PALM2AKAP2: variants seen among roughly 807,000 people sequenced by gnomAD.
PALM2AKAP2 encodes PALM2-AKAP2 fusion protein.
A neutral mutation model predicts 71.5 loss-of-function variants in PALM2AKAP2; 37 were observed. The ratio of observed to expected loss-of-function variants is 0.52; its 90% CI spans 0.40 to 0.68. PALM2AKAP2 has a LOEUF of 0.68. PALM2AKAP2 is among the 30% of genes least tolerant of loss of function. The pLI is 0.00. For missense variants in PALM2AKAP2, 1,224 were observed against 1,191.8 expected (o/e 1.03, Z -0.40); for synonymous variants, 468 against 478.8 (o/e 0.98, Z 0.29).
At chr9:109,925,134 TAGGGGGTTTCATTAAC>T (rs1161426135) in intron 5 of PALM2AKAP2, 52 bp downstream of exon 5, 1 of 1,612,404 alleles carries the variant, frequency 6.2e-7, no homozygotes, top group South Asian at 1.1e-5. Context: ...CTGGTCAGCT[TAGGGGGTTTCATTAAC>T]AGGGGCTTAA....
At chr9:109,840,727 C>G (rs1454012224) in intron 1 of PALM2AKAP2, among the ~76,000 whole-genome samples, 1 of 152,172 alleles carries the variant, frequency 6.6e-6, no homozygotes. Context: ...AGACACTTCT[C>G]AAAAGAAGAC....
intron 1 of PALM2AKAP2, among the ~76,000 whole-genome samples, chr9:109,706,970 G>A (rs1246208879): frequency 1.3e-5 from 2 of 152,164 alleles, no homozygotes; most frequent in Non-Finnish European, 2.9e-5. Context: ...TTTAGATTAT[G>A]GTGGTGGTTG....
At chr9:110,127,689 TC>T (rs1835642451) in intron 1 of PALM2AKAP2, 1 of 152,224 alleles carries the variant, frequency 6.6e-6, no homozygotes, top group Non-Finnish European at 1.5e-5. Context: ...TCCTTCTCCT[TC>T]CTGTCGTCGT....
intron 1 of PALM2AKAP2, among the ~76,000 whole-genome samples, chr9:109,834,456 A>G (rs77172253): frequency 0.012 from 1,881 of 152,252 alleles, 35 homozygotes; most frequent in African/African-American, 0.041. Context: ...TTGCCTTTGT[A>G]GGTAAATATG....
intron 7 of PALM2AKAP2, among the ~76,000 whole-genome samples, chr9:110,035,691 AG>A (rs1279546435): frequency 4.6e-5 from 5 of 109,784 alleles, no homozygotes; most frequent in African/African-American, 1.5e-4. Flanking sequence ...TAACATATAT[AG>A]GATATGTTGT....
At chr9:109,971,350 T>TTGTGTTCA (rs1832065724) in intron 6 of PALM2AKAP2, among the ~76,000 whole-genome samples, 1 of 150,510 alleles carries the variant, frequency 6.6e-6, no homozygotes, top group South Asian at 2.1e-4. Context: ...TTTGTGTTCT[T>TTGTGTTCA]TGTGTTCATA....
intron 6 of PALM2AKAP2, chr9:109,945,033 A>G (rs896251340): frequency 3.9e-5 from 6 of 152,150 alleles, no homozygotes; most frequent in African/African-American, 1.4e-4. Context: ...AAAAAATAAG[A>G]TAGTCTTGAG....
At chr9:110,009,641 G>A (rs1442130354) in intron 6 of PALM2AKAP2, among the ~76,000 whole-genome samples, 2 of 151,118 alleles carry the variant, frequency 1.3e-5, no homozygotes, top group Non-Finnish European at 2.9e-5. Flanking sequence ...GTGAACCCGG[G>A]AGGTGGAGCT....
At chr9:109,895,003 C>T (rs972360693) in intron 3 of PALM2AKAP2, among the ~76,000 whole-genome samples, 3 of 152,194 alleles carry the variant, frequency 2.0e-5, no homozygotes, top group African/African-American at 7.2e-5. Context: ...TTCTACTAGG[C>T]CTATCCCCAC....
At chr9:109,959,941 T>G (rs1402563302) in intron 6 of PALM2AKAP2, among the ~76,000 whole-genome samples, 2 of 152,122 alleles carry the variant, frequency 1.3e-5, no homozygotes, top group African/African-American at 4.8e-5. Context: ...TCCTACTCAG[T>G]AAGAACAGAG....
At chr9:109,746,066 G>T (rs1828795672) in intron 1 of PALM2AKAP2, among the ~76,000 whole-genome samples, 2 of 152,190 alleles carry the variant, frequency 1.3e-5, no homozygotes, top group South Asian at 4.1e-4. Context: ...TCCCAGGAGG[G>T]TTCACAGCCC....
At chr9:110,105,018 A>G (rs1835082486) in intron 1 of PALM2AKAP2, among the ~76,000 whole-genome samples, 2 of 152,206 alleles carry the variant, frequency 1.3e-5, no homozygotes, top group Non-Finnish European at 2.9e-5. Context: ...TATTTCTTAG[A>G]TTATATAGTG....
At chr9:109,971,282 C>CTTT (rs1304200183) in intron 6 of PALM2AKAP2, among the ~76,000 whole-genome samples, 8 of 100,760 alleles carry the variant, frequency 7.9e-5, no homozygotes, top group East Asian at 7.2e-4. Flanking sequence ...ACTCTTAGTC[C>CTTT]CTTTTTTTTT....
upstream of PALM2AKAP2, among the ~76,000 whole-genome samples, chr9:109,778,731 A>C (rs1237696862): frequency 6.6e-6 from 1 of 151,194 alleles, no homozygotes; most frequent in Admixed American, 6.6e-5. Flanking sequence ...GGAAGCATTT[A>C]TTCAGGAAAC....
intron 1 of PALM2AKAP2, among the ~76,000 whole-genome samples, chr9:109,753,779 C>A (rs567932116): frequency 1.3e-5 from 2 of 152,076 alleles, no homozygotes; most frequent in East Asian, 3.9e-4. Context: ...TAAAAGCCAT[C>A]CAAGCATTGG....
At chr9:109,843,412 ATTG>A (rs1828763843) in intron 1 of PALM2AKAP2, among the ~76,000 whole-genome samples, 1 of 151,156 alleles carries the variant, frequency 6.6e-6, no homozygotes, top group African/African-American at 2.4e-5. Flanking sequence ...ACATTATTTC[ATTG>A]TTATTACAAA....
chr9:110,164,122 G>A (rs924038899), intron 3 of PALM2AKAP2, among the ~76,000 whole-genome samples: 13 of 151,976 alleles, frequency 8.6e-5, no homozygotes, highest in African/African-American at 2.2e-4. Flanking sequence ...CTTCTTTAAC[G>A]TCTAATTGTG....
At chr9:109,909,762 T>C (rs1830527844) in intron 3 of PALM2AKAP2, among the ~76,000 whole-genome samples, 1 of 151,712 alleles carries the variant, frequency 6.6e-6, no homozygotes, top group Admixed American at 6.6e-5. Flanking sequence ...TAAAAATGAG[T>C]AGTAATTACC....
intron 3 of PALM2AKAP2, among the ~76,000 whole-genome samples, chr9:110,160,864 T>C (rs1454367484): frequency 6.6e-6 from 1 of 152,154 alleles, no homozygotes; most frequent in Non-Finnish European, 1.5e-5. Context: ...TCCCATGACT[T>C]CATTACTGAG....
Sources: allele counts gnomAD v4.1 joint callset (sites outside exome capture counted in the v4.1 genomes callset), GRCh38; gene constraint gnomAD v4.1.1; transcripts MANE v1.5; gene names NCBI Gene and HGNC (gene_info 2026-07-23, HGNC 2026-07-21).